The following TMEM131L variants were observed in gnomAD, a reference collection of about 807,000 sequenced individuals.
The protein encoded by TMEM131L is transmembrane protein 131-like.
A neutral mutation model predicts 192.2 loss-of-function variants in TMEM131L; 54 were observed. That is an observed-to-expected ratio of 0.28 (90% confidence interval 0.23 to 0.35). The LOEUF (loss-of-function observed/expected upper bound fraction) is 0.35, where lower values mean the gene tolerates loss of function less well. Ranked by LOEUF, TMEM131L falls within the 10% of genes least tolerant of loss-of-function variation. The pLI, the probability that TMEM131L is intolerant of heterozygous loss-of-function variation, is 1.00. For synonymous variants in TMEM131L, 701 were observed against 704.9 expected (o/e 0.99, Z 0.09); for missense variants, 1,888 against 1,972.9 (o/e 0.96, Z 0.82).
chr4:153,566,221 C>T (rs1461625402), intron 7 of TMEM131L, among the ~76,000 whole-genome samples: 6 of 151,800 alleles, frequency 4.0e-5, no homozygotes, highest in Admixed American at 6.6e-5. Context: ...CTGCAAGCTC[C>T]GCCTCCCAGG....
intron 7 of TMEM131L, among the ~76,000 whole-genome samples, chr4:153,568,761 A>T (rs183521403): frequency 1.2e-4 from 19 of 152,356 alleles, no homozygotes; most frequent in Admixed American, 3.9e-4. Flanking sequence ...CTTTTGTTAG[A>T]AGACTTAGAG....
At chr4:153,571,182 G>A (rs566987925) in intron 7 of TMEM131L, among the ~76,000 whole-genome samples, 8 of 151,952 alleles carry the variant, frequency 5.3e-5, no homozygotes, top group African/African-American at 1.4e-4. Flanking sequence ...TGTTTGTTGC[G>A]TTGCATAATC....
At chr4:153,467,070 C>T in intron 1 of TMEM131L, 141 bp from the exon 2 acceptor site, 1 of 814,286 alleles carries the variant, frequency 1.2e-6, no homozygotes, top group South Asian at 1.6e-5. Flanking sequence ...CCTTGGCTCG[C>T]CCCTGGGATG....
Position 153,555,825 on chromosome 4 carries a change from A to C in TMEM131L, c.347A>C (p.Tyr116Ser), listed in dbSNP as rs773647572. 1 of 1,551,640 alleles carries C rather than the reference A, an allele frequency of 6.4e-7. No individual in the cohort carries two copies. The highest frequency in any genetic ancestry group is 1.2e-5 in the South Asian group (1 of 84,046). Residue 116 changes from tyrosine (Y) to serine (S), a missense_variant, in exon 5 of 35, where the codon TAC becomes TCC. Transcript: ENST00000409959. The surrounding 1 kb of genome is among the most constrained non-coding windows in gnomAD (Gnocchi z 4.1). ...GHPVAKILHA[Y>S]NPSRDSEVVV... ...CCTGTAGCAAAGATTCTCCATGCTT[A>C]CAACCCTAGTAGGGACAGCGAGGTT... is the stretch of plus-strand genomic sequence containing the variant.
At chr4:153,621,916 T>A in intron 28 of TMEM131L, 67 bp downstream of exon 28, 1 of 1,462,494 alleles carries the variant, frequency 6.8e-7, no homozygotes, top group Non-Finnish European at 9.5e-7. Context: ...ATGAAGTATC[T>A]AATAAGAGAA....
chr4:153,600,133 G>C (rs1450973988), intron 21 of TMEM131L, among the ~76,000 whole-genome samples: 1 of 152,218 alleles, frequency 6.6e-6, no homozygotes, highest in African/African-American at 2.4e-5. Flanking sequence ...GGGAGTCCAA[G>C]GTGGAAAGAT....
chr4:153,466,679 T>G (rs548009568), intron 1 of TMEM131L, among the ~76,000 whole-genome samples, 158 bp downstream of exon 1: 1 of 152,280 alleles, frequency 6.6e-6, no homozygotes, highest in African/African-American at 2.4e-5. Context: ...TAACATTTTC[T>G]GACCACAGCG....
intron 30 of TMEM131L, among the ~76,000 whole-genome samples, 185 bp downstream of exon 30, chr4:153,626,410 G>A (rs1418177269): frequency 6.6e-6 from 1 of 152,194 alleles, no homozygotes; most frequent in Non-Finnish European, 1.5e-5. Context: ...TCATGTGGGA[G>A]AGGCTCAGGT....
intron 18 of TMEM131L, 82 bp downstream of exon 18, chr4:153,592,666 A>C: frequency 2.1e-6 from 2 of 958,278 alleles, no homozygotes; most frequent in Middle Eastern, 2.1e-4. Context: ...CACTTTTTCA[A>C]CCAGGACCTG....
At chr4:153,537,710 G>C (rs1437152446) in intron 3 of TMEM131L, among the ~76,000 whole-genome samples, 1 of 152,116 alleles carries the variant, frequency 6.6e-6, no homozygotes, top group Non-Finnish European at 1.5e-5. Context: ...TGTATCTTGT[G>C]CTGACCTCTT....
At chr4:153,576,037 G>A (rs1729915871) in intron 7 of TMEM131L, among the ~76,000 whole-genome samples, 1 of 151,614 alleles carries the variant, frequency 6.6e-6, no homozygotes, top group African/African-American at 2.4e-5. Flanking sequence ...TCGGCTCACT[G>A]CAAGCTCTGC....
Position 153,545,249 on chromosome 4 carries a change from A to G in TMEM131L, c.240-4824A>G, listed in dbSNP as rs1322579816. ...CTAGGACCTGACCCAGCACCTTCTC[A>G]TTTCCAGTGAAATTTCTCTTGTATC... On this transcript the variant is annotated intron_variant, in intron 3 of 34. Transcript: ENST00000409959. 2.7e-5 allele frequency among the ~76,000 whole-genome samples: 4 copies of G among 147,690 alleles called. No homozygotes were observed. In the South Asian group the frequency reaches 6.5e-4, roughly 24 times the overall value.
rs1554020496 is a variant in TMEM131L, at chr4:153,487,719, TGAGA to T, written c.239+13848_239+13851del. ...GTGTGTGTGTGTGTGTGTGTGTGTG[TGAGA>T]GAGAGAGAGAGAGAGACACCCTCGT... On this transcript the variant is annotated intron_variant, in intron 3 of 34. Transcript: ENST00000409959. Among the ~76,000 whole-genome samples the T allele has an allele frequency of 8.9e-3, 1,275 of 143,470 alleles. 20 individuals are homozygous for T. The highest frequency in any genetic ancestry group is 0.029 in the African/African-American group (1,144 of 38,958). 94.1% of individuals were successfully genotyped at this position (143,470 alleles called of 152,430 possible).
intron 4 of TMEM131L, among the ~76,000 whole-genome samples, chr4:153,553,237 A>G (rs1416620717): frequency 6.6e-6 from 1 of 152,204 alleles, no homozygotes; most frequent in Admixed American, 6.5e-5. Flanking sequence ...GACAGGCATT[A>G]TCTGAGTCTG....
intron 28 of TMEM131L, 37 bp from the exon 29 acceptor site, chr4:153,622,858 AGTT>A (rs781317927): frequency 3.1e-6 from 5 of 1,594,950 alleles, no homozygotes; most frequent in Non-Finnish European, 3.4e-6. Context: ...TGAGGTTGAC[AGTT>A]GTTTCAGGGA....
At chr4:153,584,966 G>GGTT (rs751126013) in intron 12 of TMEM131L, 35 bp downstream of exon 12, 4 of 1,457,610 alleles carry the variant, frequency 2.7e-6, no homozygotes, top group Middle Eastern at 3.5e-4. Context: ...AATCTTGTAT[G>GGTT]GTTGTTGTTG....
intron 3 of TMEM131L, among the ~76,000 whole-genome samples, chr4:153,542,779 G>T (rs968629473): frequency 6.6e-6 from 1 of 152,182 alleles, no homozygotes; most frequent in Non-Finnish European, 1.5e-5. Flanking sequence ...TAAGTAAGTG[G>T]AGGAGACAGA....
chr4:153,481,419 A>G (rs897221375), intron 3 of TMEM131L, among the ~76,000 whole-genome samples: 4 of 152,142 alleles, frequency 2.6e-5, no homozygotes, highest in Admixed American at 6.5e-5. Flanking sequence ...TTTACATTTA[A>G]AGCTTTTACA....
intron 30 of TMEM131L, among the ~76,000 whole-genome samples, chr4:153,626,667 A>C (rs1382055396): frequency 6.6e-6 from 1 of 152,204 alleles, no homozygotes; most frequent in African/African-American, 2.4e-5. Context: ...GCTGAGGCTA[A>C]GGTGGGAGGA....
Sources: allele counts gnomAD v4.1 joint callset (sites outside exome capture counted in the v4.1 genomes callset), GRCh38; gene constraint gnomAD v4.1.1; non-coding constraint Gnocchi (gnomAD v3.1); transcripts MANE v1.5; gene names NCBI Gene and HGNC (gene_info 2026-07-23, HGNC 2026-07-21).